The following CAPRIN1 variants were observed in gnomAD, a reference collection of about 807,000 sequenced individuals.
CAPRIN1 encodes caprin-1.
CAPRIN1 carries 29 observed loss-of-function variants against 100.9 expected under a neutral mutation model. That is an observed-to-expected ratio of 0.29 (90% confidence interval 0.21 to 0.39). The LOEUF (loss-of-function observed/expected upper bound fraction) is 0.39. CAPRIN1 is among the 10% of genes least tolerant of loss of function. The pLI, the probability that CAPRIN1 is intolerant of heterozygous loss-of-function variation, is 1.00. For synonymous variants in CAPRIN1, 338 were observed against 307.5 expected (o/e 1.10, Z -1.04); for missense variants, 795 against 876.7 (o/e 0.91, Z 1.18).
chr11:34,097,659 A>C, intron 17 of CAPRIN1, 39 bp from the exon 18 acceptor site: 1 of 1,612,218 alleles, frequency 6.2e-7, no homozygotes, highest in Admixed American at 1.7e-5. Flanking sequence ...AGCATTTTTT[A>C]AAAAGTACCT....
rs188679305 is a variant in CAPRIN1, at chr11:34,096,575, A to G, written c.1802A>G (p.Asn601Ser). ...PQQNTGFPRS[N>S]QPYYNSRGVS... Reference sequence around the variant, plus strand: ...CAGAACACTGGATTTCCACGTAGCAATCAGCCCTATTACAATAGTCGTGGT... The same window carrying G: ...CAGAACACTGGATTTCCACGTAGCAGTCAGCCCTATTACAATAGTCGTGGT... Residue 601 changes from asparagine (N) to serine (S), a missense_variant, in exon 16 of 19, where the codon AAT (asparagine) becomes AGT (serine). Asn to Ser is a conservative substitution (Grantham distance 46, BLOSUM62 1). Coordinates refer to ENST00000341394, the MANE Select transcript of CAPRIN1 (RefSeq NM_005898.5). The G allele has an allele frequency of 9.7e-5, 156 of 1,614,032 alleles. No individual in the cohort carries two copies. Among genetic ancestry groups the G allele is most frequent in the Non-Finnish European group, 1.3e-4 (153 of 1,180,018 alleles).
At chr11:34,076,107 T>C in intron 4 of CAPRIN1, 129 bp from the exon 5 acceptor site, 1 of 634,780 alleles carries the variant, frequency 1.6e-6, no homozygotes. Flanking sequence ...TCAGGAATCA[T>C]CCTTTTGTGT....
intron 2 of CAPRIN1, chr11:34,053,169 G>A: frequency 2.0e-6 from 2 of 987,422 alleles, no homozygotes; most frequent in Non-Finnish European, 2.4e-6. Context: ...GGAGAGAAGT[G>A]TGTTTAGAAT....
At chr11:34,054,220 ATTTC>A (rs1373830358) in intron 2 of CAPRIN1, among the ~76,000 whole-genome samples, 1 of 141,766 alleles carries the variant, frequency 7.1e-6, no homozygotes, top group Non-Finnish European at 1.6e-5. Flanking sequence ...TGGACTTGGG[ATTTC>A]TTTTTTTTCC....
intron 16 of CAPRIN1, among the ~76,000 whole-genome samples, 177 bp from the exon 17 acceptor site, chr11:34,097,019 G>A (rs1033899721): frequency 6.6e-6 from 1 of 152,092 alleles, no homozygotes; most frequent in African/African-American, 2.4e-5. Context: ...ATCTTCTGAG[G>A]GGCAGTTAGT....
chr11:34,094,109 A>AT (rs1486309329), intron 15 of CAPRIN1, among the ~76,000 whole-genome samples: 5 of 152,030 alleles, frequency 3.3e-5, no homozygotes, highest in Non-Finnish European at 1.5e-5. Context: ...TCCCAGCTAC[A>AT]TTTGAGGCTG....
intron 2 of CAPRIN1, among the ~76,000 whole-genome samples, chr11:34,060,703 A>G (rs540822086): frequency 4.9e-4 from 74 of 152,220 alleles, no homozygotes; most frequent in Admixed American, 1.6e-3. Flanking sequence ...GATCCATGGC[A>G]GCTATCTTCA....
At chr11:34,070,749 C>G (rs958197252) in intron 2 of CAPRIN1, among the ~76,000 whole-genome samples, 17 of 151,398 alleles carry the variant, frequency 1.1e-4, no homozygotes, top group Non-Finnish European at 5.9e-5. Context: ...GTTGCCCAGG[C>G]TGGAGTGCAA....
intron 7 of CAPRIN1, among the ~76,000 whole-genome samples, chr11:34,081,698 A>G (rs995724372): frequency 1.3e-5 from 2 of 152,064 alleles, no homozygotes; most frequent in African/African-American, 4.8e-5. Context: ...GGGTTTCACC[A>G]TATCGGCTAG....
chr11:34,072,474 G>GT (rs1205898137), intron 4 of CAPRIN1, among the ~76,000 whole-genome samples: 1 of 152,096 alleles, frequency 6.6e-6, no homozygotes, highest in Admixed American at 6.5e-5. Context: ...ATACATAAAT[G>GT]TTTTTTATTT....
chr11:34,077,368 T>G (rs1565090703), intron 6 of CAPRIN1, among the ~76,000 whole-genome samples: 2 of 152,240 alleles, frequency 1.3e-5, no homozygotes, highest in Non-Finnish European at 2.9e-5. Flanking sequence ...TGCTCATGGT[T>G]ATTGCCTTAG....
intron 6 of CAPRIN1, 70 bp from the exon 7 acceptor site, chr11:34,079,558 A>G: frequency 8.0e-7 from 1 of 1,254,064 alleles, no homozygotes; most frequent in Non-Finnish European, 1.1e-6. Flanking sequence ...ATTTTATAGA[A>G]TGTTGGATCT....
At chr11:34,081,402 T>C (rs1024501695) in intron 7 of CAPRIN1, among the ~76,000 whole-genome samples, 12 of 152,136 alleles carry the variant, frequency 7.9e-5, no homozygotes, top group African/African-American at 2.4e-4. Context: ...TTTCACCATG[T>C]TGGTCAGGCT....
At chr11:34,088,739 T>C (rs1423522614) in intron 11 of CAPRIN1, among the ~76,000 whole-genome samples, 1 of 152,180 alleles carries the variant, frequency 6.6e-6, no homozygotes, top group Non-Finnish European at 1.5e-5. Flanking sequence ...AATGCCACTT[T>C]ATTGTACAGC....
intron 6 of CAPRIN1, among the ~76,000 whole-genome samples, 194 bp from the exon 7 acceptor site, chr11:34,079,434 T>C (rs1435320223): frequency 6.6e-6 from 1 of 152,134 alleles, no homozygotes; most frequent in Non-Finnish European, 1.5e-5. Context: ...TAAAGTTTAA[T>C]ATAACTACAT....
chr11:34,092,373 T>G (rs1851280167), intron 15 of CAPRIN1, among the ~76,000 whole-genome samples: 1 of 151,952 alleles, frequency 6.6e-6, no homozygotes, highest in South Asian at 2.1e-4. Flanking sequence ...TTTTTTTTTT[T>G]TGAGATGGGG....
intron 7 of CAPRIN1, among the ~76,000 whole-genome samples, chr11:34,081,871 G>A (rs4755358): frequency 0.85 from 129,072 of 152,080 alleles, 55,595 homozygotes; most frequent in East Asian, 1. Context: ...GAGTGCAGTG[G>A]CGCGATCTCA....
At chr11:34,052,663 G>T in intron 2 of CAPRIN1, 27 bp downstream of exon 2, 7 of 1,578,340 alleles carry the variant, frequency 4.4e-6, no homozygotes, top group Non-Finnish European at 6.0e-6. Flanking sequence ...GGGAAGGGAG[G>T]GGTGGCTGCG....
intron 12 of CAPRIN1, among the ~76,000 whole-genome samples, chr11:34,089,834 AT>A: frequency 6.6e-6 from 1 of 151,820 alleles, no homozygotes; most frequent in East Asian, 1.9e-4. Context: ...TAAATAATGT[AT>A]TATAATATAA....
Sources: allele counts gnomAD v4.1 joint callset (sites outside exome capture counted in the v4.1 genomes callset), GRCh38; gene constraint gnomAD v4.1.1; transcripts MANE v1.5; gene names NCBI Gene and HGNC (gene_info 2026-07-23, HGNC 2026-07-21).